LCLAT1: variants seen among roughly 807,000 people sequenced by gnomAD.
LCLAT1 encodes lysocardiolipin acyltransferase 1.
Under a neutral mutation model 30.7 loss-of-function variants are expected in LCLAT1, and 11 were observed. The ratio of observed to expected loss-of-function variants is 0.36; its 90% confidence interval spans 0.23 to 0.59. The LOEUF is 0.59. Ranked by LOEUF, LCLAT1 falls within the 20% of genes least tolerant of loss-of-function variation. The pLI is 0.77. For synonymous variants in LCLAT1, 155 were observed against 151.3 expected (o/e 1.02, Z -0.18); for missense variants, 402 against 458.6 (o/e 0.88, Z 1.13).
intron 1 of LCLAT1, chr2:30,459,544 G>C: frequency 9.3e-7 from 1 of 1,071,206 alleles, no homozygotes; most frequent in East Asian, 2.4e-5. Flanking sequence ...CATTTGTCCT[G>C]TTCACAGGCT....
chr2:30,551,107 T>C (rs1428211474), intron 3 of LCLAT1, among the ~76,000 whole-genome samples: 5 of 152,144 alleles, frequency 3.3e-5, no homozygotes, highest in African/African-American at 1.2e-4. Context: ...GCCTCCTTAA[T>C]AGCTGGGACT....
At chr2:30,589,039 G>A (rs975991071) in intron 5 of LCLAT1, among the ~76,000 whole-genome samples, 1 of 152,200 alleles carries the variant, frequency 6.6e-6, no homozygotes, top group African/African-American at 2.4e-5. Flanking sequence ...TGATGGACAA[G>A]ATTTTGGTAA....
At chr2:30,491,087 A>G (rs945081464) in intron 1 of LCLAT1, among the ~76,000 whole-genome samples, 2 of 152,304 alleles carry the variant, frequency 1.3e-5, no homozygotes, top group Non-Finnish European at 2.9e-5. Flanking sequence ...TTATATTTCT[A>G]TTGGGTATTG....
At chr2:30,499,577 T>C (rs542662500) in intron 1 of LCLAT1, among the ~76,000 whole-genome samples, 1 of 152,326 alleles carries the variant, frequency 6.6e-6, no homozygotes, top group Admixed American at 6.5e-5. Flanking sequence ...TGGAGTAAGT[T>C]ATCTCTAAAG....
chr2:30,605,263 C>G (rs1310222510), intron 5 of LCLAT1, among the ~76,000 whole-genome samples: 1 of 152,158 alleles, frequency 6.6e-6, no homozygotes, highest in Non-Finnish European at 1.5e-5. Flanking sequence ...ATCATAATAT[C>G]CAAACAGCCC....
At chr2:30,630,316 A>T (rs1202286017) in intron 5 of LCLAT1, among the ~76,000 whole-genome samples, 1 of 152,190 alleles carries the variant, frequency 6.6e-6, no homozygotes, top group African/African-American at 2.4e-5. Context: ...TAGGGCATCA[A>T]CATAAGAATC....
At chr2:30,568,350 T>C (rs1268893043) in intron 5 of LCLAT1, among the ~76,000 whole-genome samples, 174 bp downstream of exon 5, 1 of 152,130 alleles carries the variant, frequency 6.6e-6, no homozygotes, top group Non-Finnish European at 1.5e-5. Context: ...CATGTATTTG[T>C]TAGAGATATA....
chr2:30,608,225 G>A (rs190934040), intron 5 of LCLAT1, among the ~76,000 whole-genome samples: 1 of 151,620 alleles, frequency 6.6e-6, no homozygotes, highest in Admixed American at 6.6e-5. Flanking sequence ...GGAGGCTGAG[G>A]CAGGAGAATA....
intron 1 of LCLAT1, among the ~76,000 whole-genome samples, chr2:30,521,626 C>G (rs1367129086): frequency 6.7e-6 from 1 of 150,262 alleles, no homozygotes; most frequent in Non-Finnish European, 1.5e-5. Flanking sequence ...TCTACCTCAC[C>G]CTCCCTAGTA....
rs1572636706 is a variant in LCLAT1 at position 30,568,305 on chromosome 2, T to C, written c.628+129T>C. The C allele has an allele frequency of 3.4e-5, 18 of 535,520 alleles. No homozygotes were observed. The East Asian group carries it at 5.7e-4, about 17-fold the overall frequency. 33.2% of individuals were successfully genotyped at this position (535,520 alleles called of 1,614,324 possible). A position where few individuals can be genotyped will look rare whatever the true frequency, so the allele number is the denominator to read the frequency against. On this transcript the variant is annotated intron_variant, in intron 5 of 5. Coordinates refer to ENST00000379509, the MANE Select transcript of LCLAT1 (RefSeq NM_001002257.3). ...CTCAAGAAATGAGATATTGTATTTT[T>C]ATTCCAAGTTGGCCTATGTACTAAA...
At chr2:30,503,918 T>C (rs919960297) in intron 1 of LCLAT1, among the ~76,000 whole-genome samples, 1 of 152,206 alleles carries the variant, frequency 6.6e-6, no homozygotes, top group South Asian at 2.1e-4. Context: ...TTTTCTCTGT[T>C]TTAGTTGATT....
Position 30,538,322 on chromosome 2 carries a change from A to G in LCLAT1, c.364+5008A>G, listed in dbSNP as rs147471773. The stretch of plus-strand genomic sequence containing the variant: ...GAAAGATAAATAAAACTGATAAACC[A>G]TTAGTTAGACTAAGTAACAAAGAGA... On this transcript the variant is annotated intron_variant, in intron 3 of 5. Coordinates refer to ENST00000379509, the MANE Select transcript of LCLAT1 (RefSeq NM_001002257.3). 2.3e-4 allele frequency among the ~76,000 whole-genome samples: 35 copies of G among 152,308 alleles called. No individual in the cohort carries two copies. In the East Asian group the frequency reaches 6.2e-3, roughly 27 times the overall value.
chr2:30,617,041 G>A lies in LCLAT1; in HGVS notation c.629-23076G>A, dbSNP rs533503766. ...ACGCCTTAAAAAAACAGCTTTTAGA[G>A]GTAGAATTTACTTGCTGTAAAATGT... On this transcript the variant is annotated intron_variant, in intron 5 of 5. Transcript: ENST00000379509. Among the ~76,000 whole-genome samples the A allele has an allele frequency of 1.1e-3, 164 of 152,190 alleles. 1 individual carries two copies. In the Middle Eastern group the frequency reaches 0.031, roughly 28 times the overall value.
At chr2:30,620,726 T>A (rs956491763) in intron 5 of LCLAT1, among the ~76,000 whole-genome samples, 3 of 152,232 alleles carry the variant, frequency 2.0e-5, no homozygotes, top group Admixed American at 6.5e-5. Flanking sequence ...CTGTATTAGT[T>A]TTCTAGACTG....
intron 5 of LCLAT1, among the ~76,000 whole-genome samples, chr2:30,637,092 C>T (rs1669071460): frequency 6.6e-6 from 1 of 152,082 alleles, no homozygotes; most frequent in Non-Finnish European, 1.5e-5. Context: ...ATTGGCATGA[C>T]AAGTTACAAG....
rs189258603 is a variant in LCLAT1, at chr2:30,568,971, T to C, written c.628+795T>C. On this transcript the variant is annotated intron_variant, in intron 5 of 5. Transcript: ENST00000379509. The stretch of plus-strand genomic sequence containing the variant: ...ATCATTCTCTTACTATTTTAAGCTA[T>C]AGAGAAATATAACGATCTGAAAAAT... 2.4e-4 allele frequency among the ~76,000 whole-genome samples: 36 copies of C among 151,774 alleles called. 1 individual carries two copies. The East Asian group carries it at 6.4e-3, about 27-fold the overall frequency.
chr2:30,528,240 A>G (rs1181951511), intron 2 of LCLAT1, among the ~76,000 whole-genome samples: 6 of 152,216 alleles, frequency 3.9e-5, no homozygotes, highest in South Asian at 2.1e-4. Flanking sequence ...CTGGGCAGCC[A>G]TGTGCACAGT....
At chr2:30,610,082 CAT>C (rs1667661742) in intron 5 of LCLAT1, among the ~76,000 whole-genome samples, 1 of 152,214 alleles carries the variant, frequency 6.6e-6, no homozygotes, top group Non-Finnish European at 1.5e-5. Flanking sequence ...TGAACATAGC[CAT>C]ACCCCCTGCA....
chr2:30,487,282 A>G (rs193031257), intron 1 of LCLAT1, among the ~76,000 whole-genome samples: 7 of 152,366 alleles, frequency 4.6e-5, no homozygotes, highest in African/African-American at 1.4e-4. Context: ...GGAGTCTGCA[A>G]TGGTGGCAAG....
Sources: allele counts gnomAD v4.1 joint callset (sites outside exome capture counted in the v4.1 genomes callset), GRCh38; gene constraint gnomAD v4.1.1; transcripts MANE v1.5; gene names NCBI Gene and HGNC (gene_info 2026-07-23, HGNC 2026-07-21).